The following PTPRR variants were observed in gnomAD, a reference collection of about 807,000 sequenced individuals.
PTPRR encodes the protein receptor-type tyrosine-protein phosphatase R.
Under a neutral mutation model 77.2 loss-of-function variants are expected in PTPRR, and 38 were observed. That is an observed-to-expected ratio of 0.49 (90% CI 0.38 to 0.65). The LOEUF (loss-of-function observed/expected upper bound fraction) is 0.65. Among genes scored for constraint, PTPRR ranks in the 30% least tolerant of loss-of-function variants. The pLI, the probability that PTPRR is intolerant of heterozygous loss-of-function variation, is 0.00. For synonymous variants in PTPRR, 299 were observed against 283.1 expected (o/e 1.06, Z -0.57); for missense variants, 744 against 799.2 (o/e 0.93, Z 0.83).
At chr12:70,770,992 T>C (rs186879947) in intron 2 of PTPRR, among the ~76,000 whole-genome samples, 2,929 of 88,522 alleles carry the variant, frequency 0.033, 134 homozygotes, top group African/African-American at 0.12. Flanking sequence ...CATCACACTC[T>C]GGGGACTGTT....
intron 1 of PTPRR, among the ~76,000 whole-genome samples, chr12:70,915,291 A>G (rs1280061692): frequency 1.3e-5 from 2 of 152,216 alleles, no homozygotes; most frequent in Non-Finnish European, 2.9e-5. Context: ...ACGGAAGCTG[A>G]TAGAGAAGTA....
intron 2 of PTPRR, among the ~76,000 whole-genome samples, chr12:70,863,896 T>G (rs1892796090): frequency 6.6e-6 from 1 of 152,184 alleles, no homozygotes; most frequent in Non-Finnish European, 1.5e-5. Context: ...CTGGCAATGC[T>G]ACTACTCCAC....
chr12:70,777,141 C>T (rs191606191), intron 2 of PTPRR, among the ~76,000 whole-genome samples: 54 of 152,004 alleles, frequency 3.6e-4, no homozygotes, highest in Admixed American at 3.2e-3. Flanking sequence ...ACTAATATAT[C>T]TGAGATAGAG....
intron 2 of PTPRR, among the ~76,000 whole-genome samples, chr12:70,767,830 C>T (rs1298754458): frequency 6.6e-5 from 10 of 152,200 alleles, no homozygotes; most frequent in African/African-American, 1.9e-4. Context: ...GACCACAGTG[C>T]AATCAAAGTA....
chr12:70,875,562 T>G (rs1480091926), intron 2 of PTPRR, among the ~76,000 whole-genome samples: 4 of 151,706 alleles, frequency 2.6e-5, no homozygotes, highest in African/African-American at 9.7e-5. Context: ...TGCAGAAGTT[T>G]ATCTACATAT....
intron 2 of PTPRR, among the ~76,000 whole-genome samples, chr12:70,880,605 G>A (rs1893132931): frequency 6.6e-6 from 1 of 152,118 alleles, no homozygotes; most frequent in South Asian, 2.1e-4. Flanking sequence ...CTACACAGCT[G>A]CAATGATCTT....
chr12:70,680,443 T>A (rs1887612679), intron 10 of PTPRR, among the ~76,000 whole-genome samples: 1 of 152,216 alleles, frequency 6.6e-6, no homozygotes, highest in Non-Finnish European at 1.5e-5. Flanking sequence ...TAGGGTACAT[T>A]GGCTTTTGCT....
chr12:70,665,667 C>G (rs1886965194), intron 10 of PTPRR, among the ~76,000 whole-genome samples: 1 of 151,780 alleles, frequency 6.6e-6, no homozygotes, highest in African/African-American at 2.4e-5. Flanking sequence ...TAGGCGTGAG[C>G]CACTGCGCCC....
At chr12:70,649,479 C>T (rs1384944007) in intron 13 of PTPRR, among the ~76,000 whole-genome samples, 1 of 152,176 alleles carries the variant, frequency 6.6e-6, no homozygotes, top group African/African-American at 2.4e-5. Context: ...AGCTCGTATT[C>T]TGCCGAATAC....
intron 2 of PTPRR, among the ~76,000 whole-genome samples, chr12:70,876,422 G>A (rs1176947096): frequency 6.6e-6 from 1 of 152,128 alleles, no homozygotes; most frequent in East Asian, 1.9e-4. Context: ...CAGAAGAATA[G>A]TTTCAGAAAG....
At chr12:70,752,376 T>C (rs549453168) in intron 5 of PTPRR, among the ~76,000 whole-genome samples, 6 of 152,284 alleles carry the variant, frequency 3.9e-5, no homozygotes, top group African/African-American at 1.4e-4. Context: ...GACCTTTACA[T>C]TGATGTTTTG....
intron 1 of PTPRR, among the ~76,000 whole-genome samples, chr12:70,896,765 A>T (rs1301171592): frequency 6.6e-6 from 1 of 151,790 alleles, no homozygotes. Flanking sequence ...TAAGTCTTTA[A>T]TCCATCTTGA....
intron 2 of PTPRR, among the ~76,000 whole-genome samples, chr12:70,875,354 C>T (rs138736913): frequency 8.5e-5 from 13 of 152,124 alleles, no homozygotes; most frequent in African/African-American, 2.9e-4. Flanking sequence ...ATTATTTAAA[C>T]ATGAAGAAAA....
At chr12:70,669,350 G>C (rs1887124549) in intron 10 of PTPRR, among the ~76,000 whole-genome samples, 1 of 151,846 alleles carries the variant, frequency 6.6e-6, no homozygotes, top group South Asian at 2.1e-4. Flanking sequence ...CTGAAGTCAA[G>C]CTCTCACTTA....
chr12:70,748,026 C>T (rs1036877482), intron 5 of PTPRR, among the ~76,000 whole-genome samples: 4 of 152,046 alleles, frequency 2.6e-5, no homozygotes, highest in African/African-American at 9.7e-5. Context: ...GGAAAGGGTG[C>T]TACTGGCATC....
chr12:70,869,592 A>G (rs1892925685), intron 2 of PTPRR, among the ~76,000 whole-genome samples: 1 of 152,186 alleles, frequency 6.6e-6, no homozygotes, highest in Admixed American at 6.5e-5. Flanking sequence ...TAAGTTAACT[A>G]TCTTGCCATG....
intron 7 of PTPRR, among the ~76,000 whole-genome samples, chr12:70,700,237 C>T (rs1888370791): frequency 6.6e-6 from 1 of 152,136 alleles, no homozygotes; most frequent in African/African-American, 2.4e-5. Flanking sequence ...AACTAATAAT[C>T]AATTTATTGT....
In PTPRR at chr12:70,819,337, G is replaced by A. The variant is rs78473663; in HGVS notation, c.358-54559C>T. On this transcript the variant is annotated intron_variant, in intron 2 of 13. Transcript: ENST00000283228. ...ACAAACAAACAAGAAAGAATAAAGA[G>A]CAAAAATAGACATTGGCTCATAGAG... Among the ~76,000 whole-genome samples, 345 of 152,206 alleles carry A rather than the reference G, an allele frequency of 2.3e-3. 2 individuals are homozygous for A. Among genetic ancestry groups the A allele is most frequent in the Middle Eastern group, 0.01 (3 of 294 alleles).
intron 2 of PTPRR, among the ~76,000 whole-genome samples, chr12:70,872,705 A>C (rs1307415979): frequency 6.7e-6 from 1 of 148,686 alleles, no homozygotes; most frequent in Non-Finnish European, 1.5e-5. Context: ...AAAAAAAAAA[A>C]AAAAAAAAAA....
Sources: gnomAD v4.1 joint callset for allele counts (sites outside exome capture counted in the v4.1 genomes callset) on GRCh38, gnomAD v4.1.1 for gene constraint, MANE v1.5 for transcripts, NCBI Gene and HGNC (gene_info 2026-07-23, HGNC 2026-07-21) for gene names.